The following FHIT variants were observed in gnomAD, a reference collection of about 807,000 sequenced individuals.
The protein encoded by FHIT is fragile histidine triad diadenosine triphosphatase, also known as bis(5'-adenosyl)-triphosphatase.
In FHIT, 19 loss-of-function variants were observed where a neutral mutation model predicts 17.9. The ratio of observed to expected loss-of-function variants is 1.06; its 90% CI spans 0.74 to 1.56. FHIT has a LOEUF of 1.56. Ranked by LOEUF, FHIT falls within the 40% of genes most tolerant of loss-of-function variation. The probability of loss-of-function intolerance (pLI) is 0.00; values close to 1 mark genes in which losing one functional copy is unlikely to be tolerated. For synonymous variants in FHIT, 81 were observed against 69.7 expected (o/e 1.16, Z -0.81); for missense variants, 248 against 189.2 (o/e 1.31, Z -1.82).
chr3:60,447,246 A>T, intron 5 of FHIT, among the ~76,000 whole-genome samples: 1 of 152,154 alleles, frequency 6.6e-6, no homozygotes, highest in East Asian at 1.9e-4. Context: ...GTTTTCAAAG[A>T]AACATCAGTT....
chr3:60,373,925 A>G (rs1700439185), intron 5 of FHIT, among the ~76,000 whole-genome samples: 1 of 152,222 alleles, frequency 6.6e-6, no homozygotes, highest in Non-Finnish European at 1.5e-5. Flanking sequence ...TGGTTCAGGA[A>G]GTAGAGAAAA....
chr3:59,990,530 T>A lies in FHIT; in HGVS notation c.279+20841A>T, dbSNP rs73842449. On this transcript the variant is annotated intron_variant, in intron 7 of 9. Transcript: ENST00000492590. ...CGCTCTCACCAGATCTCAATCCACT[T>A]TGCAAACTGCTTACTCCTTAACTTG... 7.4e-3 allele frequency among the ~76,000 whole-genome samples: 1,129 copies of A among 152,222 alleles called. 17 individuals carry two copies. The highest frequency in any genetic ancestry group is 0.026 in the African/African-American group (1,088 of 41,562).
intron 5 of FHIT, among the ~76,000 whole-genome samples, chr3:60,439,148 T>A (rs1296082251): frequency 1.3e-5 from 2 of 152,048 alleles, no homozygotes; most frequent in African/African-American, 4.8e-5. Flanking sequence ...GCATCCAAGT[T>A]TTTACTCCAC....
chr3:60,189,076 G>T (rs569646270), intron 5 of FHIT, among the ~76,000 whole-genome samples: 1 of 152,180 alleles, frequency 6.6e-6, no homozygotes, highest in South Asian at 2.1e-4. Context: ...AAGCAAGCAT[G>T]AGACAGCCCC....
At chr3:59,997,495 A>T (rs1389597206) in intron 7 of FHIT, among the ~76,000 whole-genome samples, 1 of 152,194 alleles carries the variant, frequency 6.6e-6, no homozygotes, top group Non-Finnish European at 1.5e-5. Flanking sequence ...TCGTTGCTGG[A>T]GGAATTTGAA....
chr3:60,373,893 T>A (rs1700437594), intron 5 of FHIT, among the ~76,000 whole-genome samples: 1 of 152,190 alleles, frequency 6.6e-6, no homozygotes, highest in East Asian at 1.9e-4. Flanking sequence ...AAGGAGGTTT[T>A]AGCCTAGGCA....
chr3:60,058,460 C>T (rs754868584), intron 5 of FHIT, among the ~76,000 whole-genome samples: 1 of 152,140 alleles, frequency 6.6e-6, no homozygotes, highest in Non-Finnish European at 1.5e-5. Context: ...ATGACAGAAA[C>T]TTCTGGAGTT....
chr3:60,645,648 C>T (rs112875991), intron 4 of FHIT, among the ~76,000 whole-genome samples: 8 of 152,074 alleles, frequency 5.3e-5, no homozygotes, highest in African/African-American at 1.9e-4. Context: ...GTCTTTTGGT[C>T]GCTGTATTAT....
rs551901249 is a variant in FHIT, at chr3:60,232,091, G to A, written c.104-217939C>T. 9.7e-4 allele frequency among the ~76,000 whole-genome samples: 148 copies of A among 152,280 alleles called. 1 individual carries two copies. The highest frequency in any genetic ancestry group is 3.5e-3 in the African/African-American group (147 of 41,560). ...TCAGTTCATTCTTGAATAGGAACTT[G>A]TAGTAGAAATGGTATGTGCCACATT... is the stretch of plus-strand genomic sequence containing the variant. On this transcript the variant is annotated intron_variant, in intron 5 of 9. Transcript: ENST00000492590.
intron 7 of FHIT, among the ~76,000 whole-genome samples, chr3:59,923,778 G>C (rs1000889809): frequency 6.6e-6 from 1 of 152,134 alleles, no homozygotes; most frequent in Non-Finnish European, 1.5e-5. Flanking sequence ...TCAAGAGAAC[G>C]TAAGATTTAA....
At chr3:60,265,744 C>A (rs1380639823) in intron 5 of FHIT, among the ~76,000 whole-genome samples, 1 of 151,630 alleles carries the variant, frequency 6.6e-6, no homozygotes, top group African/African-American at 2.4e-5. Context: ...ATAGATGATT[C>A]AAATTTTTTA....
chr3:60,034,953 T>C (rs572584988), intron 5 of FHIT, among the ~76,000 whole-genome samples: 94 of 152,370 alleles, frequency 6.2e-4, no homozygotes, highest in Admixed American at 1.5e-3. Context: ...ATTTTATTAT[T>C]ATCACTATCT....
chr3:60,328,513 A>G (rs1709811408), intron 5 of FHIT, among the ~76,000 whole-genome samples: 1 of 151,682 alleles, frequency 6.6e-6, no homozygotes, highest in Non-Finnish European at 1.5e-5. Context: ...TGTGAGACTT[A>G]CTAACTAACA....
chr3:60,218,873 A>C (rs1234947518), intron 5 of FHIT, among the ~76,000 whole-genome samples: 2 of 152,054 alleles, frequency 1.3e-5, no homozygotes, highest in Non-Finnish European at 2.9e-5. Flanking sequence ...ACATACATAC[A>C]TACATACATA....
intron 4 of FHIT, among the ~76,000 whole-genome samples, chr3:60,621,552 T>G (rs550734400): frequency 6.6e-6 from 1 of 152,184 alleles, no homozygotes; most frequent in Admixed American, 6.5e-5. Context: ...GGACAGTTCC[T>G]TAAAGCAACT....
intron 4 of FHIT, among the ~76,000 whole-genome samples, chr3:60,816,800 T>G (rs1387965024): frequency 6.6e-6 from 1 of 152,038 alleles, no homozygotes; most frequent in Non-Finnish European, 1.5e-5. Context: ...TTCAGTAGAA[T>G]TGTACCAGCT....
intron 7 of FHIT, among the ~76,000 whole-genome samples, chr3:59,997,848 TG>T (rs1272360717): frequency 2.0e-5 from 3 of 152,068 alleles, no homozygotes; most frequent in African/African-American, 7.2e-5. Context: ...CAGGAGACAG[TG>T]GGGTGATAAA....
rs989533772 is a variant in FHIT, at chr3:60,830,123, G to C, written c.-110-8112C>G. ...TTTCTTTCAGTGGACAATGGTATTT[G>C]AGCCTGATCTCAAAGCCACCTCTTT... On this transcript the variant is annotated intron_variant, in intron 3 of 9. Transcript: ENST00000492590. Among the ~76,000 whole-genome samples, 2 of 151,968 alleles carry C rather than the reference G, an allele frequency of 1.3e-5. 1 individual carries two copies. Among genetic ancestry groups the C allele is most frequent in the Admixed American group, 1.3e-4 (2 of 15,262 alleles).
rs138644960 is a variant in FHIT, at chr3:60,546,135, T to C, written c.-17-9156A>G. On this transcript the variant is annotated intron_variant, in intron 4 of 9. Transcript: ENST00000492590. ...AATAAAATACTATAGCATCTTGTTT[T>C]CTATCCATTAAAGAATCTGCTGGAT... 1.5e-3 allele frequency among the ~76,000 whole-genome samples: 228 copies of C among 152,358 alleles called. 2 individuals carry two copies. In the East Asian group the frequency reaches 0.035, roughly 23 times the overall value.
Sources: gnomAD v4.1 joint callset for allele counts (sites outside exome capture counted in the v4.1 genomes callset) on GRCh38, gnomAD v4.1.1 for gene constraint, MANE v1.5 for transcripts, NCBI Gene and HGNC (gene_info 2026-07-23, HGNC 2026-07-21) for gene names.